IKZF5: variants seen among roughly 807,000 people sequenced by gnomAD.
IKZF5 encodes zinc finger protein Pegasus.
A neutral mutation model predicts 30.7 loss-of-function variants in IKZF5; 4 were observed. The ratio of observed to expected loss-of-function variants is 0.13; its 90% CI spans 0.06 to 0.30. IKZF5 has a LOEUF of 0.30. Among genes scored for constraint, IKZF5 ranks in the 10% least tolerant of loss-of-function variants. The pLI is 1.00. For synonymous variants in IKZF5, 148 were observed against 179.6 expected, an observed-to-expected ratio of 0.82 and a Z score of 1.41; for missense variants, 348 against 525.5, an observed-to-expected ratio of 0.66 and a Z score of 3.30.
At chr10:122,996,460 T>C (rs1589716443) in intron 3 of IKZF5, among the ~76,000 whole-genome samples, 2 of 146,462 alleles carry the variant, frequency 1.4e-5, no homozygotes, top group African/African-American at 5.1e-5. Context: ...GAGGCAGAGG[T>C]GGGGGGATAG....
At chr10:123,001,973 T>C (rs1849603595) in intron 2 of IKZF5, among the ~76,000 whole-genome samples, 1 of 152,260 alleles carries the variant, frequency 6.6e-6, no homozygotes, top group South Asian at 2.1e-4. Context: ...ATACCATTAA[T>C]ATGAATTATT....
chr10:122,995,550 G>A (rs1849335544), intron 4 of IKZF5, among the ~76,000 whole-genome samples: 1 of 152,214 alleles, frequency 6.6e-6, no homozygotes, highest in Non-Finnish European at 1.5e-5. Flanking sequence ...GAGGGCAGAT[G>A]TAGTTGGGAA....
In IKZF5 at chr10:122,996,108, C is replaced by T; in HGVS notation, c.202G>A (p.Gly68Arg). 1 of 1,614,098 alleles carries T rather than the reference C, an allele frequency of 6.2e-7. No homozygotes were observed. Among genetic ancestry groups the T allele is most frequent in the Middle Eastern group, 1.6e-4 (1 of 6,062 alleles). ...SVEVSLDENS[G>R]MLVDGFERTF... ...CTTTCAAACCCGTCTACTAACATTCCTGAGTTTTCATCCAAGGAAACTTCA... is the reference window on the plus strand; with the variant it reads ...CTTTCAAACCCGTCTACTAACATTCTTGAGTTTTCATCCAAGGAAACTTCA... The change falls in exon 4 of 5, where the codon GGA (glycine) becomes AGA (arginine). Residue 68 changes from glycine (G) to arginine (R), a missense_variant. Physicochemically the swap from Gly to Arg is moderately radical, Grantham distance 125. Transcript: ENST00000368886.
At chr10:123,001,509 T>A (rs1255629347) in intron 2 of IKZF5, among the ~76,000 whole-genome samples, 2 of 152,214 alleles carry the variant, frequency 1.3e-5, no homozygotes, top group Admixed American at 1.3e-4. Flanking sequence ...GAGTTTTGTG[T>A]ATGGTGTGAG....
chr10:123,000,970 A>ATCT (rs58637862), intron 2 of IKZF5, among the ~76,000 whole-genome samples: 109,908 of 151,120 alleles, frequency 0.73, 41,359 homozygotes, highest in Non-Finnish European at 0.84. Context: ...CATCTTAAGT[A>ATCT]TCTCCCACTG....
At position 122,994,075 on chromosome 10, in the gene IKZF5, C is replaced by A; in HGVS notation, c.965G>T (p.Arg322Met). 6.2e-7 allele frequency: 1 copy of A among 1,614,100 alleles called. No homozygotes were observed. Among genetic ancestry groups the A allele is most frequent in the Non-Finnish European group, 8.5e-7 (1 of 1,180,042 alleles). Residue 322 changes from arginine (R) to methionine (M), a missense_variant, in exon 5 of 5, where the codon AGG becomes ATG. By Grantham distance (91) the Arg-to-Met change is moderately conservative. This residue lies in a region of IKZF5 where 176 missense variants were observed against 198.2 expected (regional missense o/e 0.89). Transcript: ENST00000368886. This position sits in a 1 kb window ranked among gnomAD's most constrained non-coding sequence, Gnocchi z 5.6. Reference protein sequence around the residue: ...SPEPRPSHSQRNYSPVAGPSS... With the variant: ...SPEPRPSHSQMNYSPVAGPSS... ...TGGACCTGCCACTGGACTATAGTTC[C>A]TTTGACTATGGGATGGCCGAGGTTC...
chr10:123,000,725 G>C (rs1849551091), intron 2 of IKZF5, among the ~76,000 whole-genome samples: 1 of 152,212 alleles, frequency 6.6e-6, no homozygotes, highest in Non-Finnish European at 1.5e-5. Flanking sequence ...ACTTGGGCAT[G>C]TTTTGCCTTT....
At position 122,992,825 on chromosome 10, in the gene IKZF5, T is replaced by A. The variant is rs1849214102; in HGVS notation, c.*955A>T. The A allele has an allele frequency of 6.6e-6, 1 of 152,598 alleles. No individual in the cohort carries two copies. Among genetic ancestry groups the A allele is most frequent in the African/African-American group, 2.4e-5 (1 of 41,460 alleles). The allele number at this position is 152,598 out of a possible 1,614,324, so 9.5% of individuals were successfully genotyped here. On this transcript the variant is annotated 3_prime_UTR_variant, in exon 5 of 5. Transcript: ENST00000368886. ...ATGACTTCACTATCACATTCTCTCATGTGTTTCCATACCCACCTTTTCTTG... is the reference window on the plus strand; with the variant it reads ...ATGACTTCACTATCACATTCTCTCAAGTGTTTCCATACCCACCTTTTCTTG...
chr10:122,998,410 A>C, intron 3 of IKZF5, 83 bp downstream of exon 3: 2 of 1,148,876 alleles, frequency 1.7e-6, no homozygotes, highest in Non-Finnish European at 2.5e-6. Flanking sequence ...ATTAATGCGC[A>C]GTGGTCTTCA....
intron 2 of IKZF5, among the ~76,000 whole-genome samples, chr10:123,004,199 T>G (rs1422561590): frequency 6.6e-6 from 1 of 152,192 alleles, no homozygotes; most frequent in East Asian, 1.9e-4. Flanking sequence ...CCCTACAGAT[T>G]GTCTGCGTTC....
In IKZF5 at chr10:123,008,767, G is replaced by T. The variant is rs1378099342; in HGVS notation, c.-271C>A. The T allele has an allele frequency of 3.3e-6, 2 of 606,792 alleles. No homozygotes were observed. The highest frequency in any genetic ancestry group is 2.8e-5 in the Admixed American group (1 of 35,814). The allele number at this position is 606,792 out of a possible 1,614,324, so 37.6% of individuals were successfully genotyped here. The stretch of plus-strand genomic sequence containing the variant: ...CGCCGCCGCCGCCGTCTTCGTCACC[G>T]TCACAGTCGCCGCCGCCATCTTTGT... On this transcript the variant is annotated 5_prime_UTR_variant, in exon 1 of 5. Coordinates refer to ENST00000368886, the MANE Select transcript of IKZF5 (RefSeq NM_001372123.1).
intron 2 of IKZF5, 96 bp downstream of exon 2, chr10:123,006,930 T>A (rs1293286671): frequency 1.3e-5 from 2 of 152,174 alleles, no homozygotes. Flanking sequence ...AAAAAGAAAT[T>A]ATGAGGCTCT....
chr10:123,004,660 A>G (rs1208080517), intron 2 of IKZF5, among the ~76,000 whole-genome samples: 1 of 151,870 alleles, frequency 6.6e-6, no homozygotes, highest in Non-Finnish European at 1.5e-5. Context: ...TATGAAATAG[A>G]GAACACTGTA....
At chr10:122,995,542 G>A (rs1355309457) in intron 4 of IKZF5, among the ~76,000 whole-genome samples, 1 of 152,164 alleles carries the variant, frequency 6.6e-6, no homozygotes, top group Non-Finnish European at 1.5e-5. Context: ...CTTGGGCAGA[G>A]GGCAGATGTA....
chr10:122,996,194 C>G lies in IKZF5; in HGVS notation c.134-18G>C. ...TGTTCCAGCTATAAACAAAGTACCG[C>G]AAAAGAAATTATGCATCTCAGAATC... is the stretch of plus-strand genomic sequence containing the variant. On this transcript the variant is annotated intron_variant, in intron 3 of 4. Transcript: ENST00000368886. 6.2e-7 allele frequency: 1 copy of G among 1,603,872 alleles called. No homozygotes were observed.
At chr10:123,007,360 A>G (rs1189021142) in intron 1 of IKZF5, among the ~76,000 whole-genome samples, 184 bp from the exon 2 acceptor site, 1 of 152,242 alleles carries the variant, frequency 6.6e-6, no homozygotes, top group Non-Finnish European at 1.5e-5. Context: ...AAAGCTCCAT[A>G]GGATCACCAA....
chr10:122,998,460 G>T, intron 3 of IKZF5, 33 bp downstream of exon 3: 2 of 1,573,514 alleles, frequency 1.3e-6, no homozygotes, highest in Non-Finnish European at 8.7e-7. Context: ...TGTATAAAAA[G>T]TGAATTACTT....
chr10:122,995,124 C>T (rs1226051903), intron 4 of IKZF5, among the ~76,000 whole-genome samples: 2 of 147,938 alleles, frequency 1.4e-5, no homozygotes, highest in Non-Finnish European at 3.0e-5. Flanking sequence ...CACACATATG[C>T]ATACCCTTTG....
At chr10:122,996,528 T>TAAA (rs11329642) in intron 3 of IKZF5, among the ~76,000 whole-genome samples, 2 of 140,138 alleles carry the variant, frequency 1.4e-5, no homozygotes, top group African/African-American at 5.3e-5. Context: ...TGTCTCTACT[T>TAAA]AAAAAAAAAA....
Sources: allele counts gnomAD v4.1 joint callset (sites outside exome capture counted in the v4.1 genomes callset), GRCh38; gene constraint gnomAD v4.1.1; regional missense constraint gnomAD v4.1.1; non-coding constraint Gnocchi (gnomAD v3.1); transcripts MANE v1.5; gene names NCBI Gene and HGNC (gene_info 2026-07-23, HGNC 2026-07-21).